LRRC38: variants seen among roughly 807,000 people sequenced by gnomAD.
The protein encoded by LRRC38 is leucine rich repeat containing 38.
Under a neutral mutation model 16.4 loss-of-function variants are expected in LRRC38, and 5 were observed. The observed-to-expected ratio is 0.31, with a 90% CI of 0.16 to 0.64. LRRC38 has a LOEUF of 0.64. Among genes scored for constraint, LRRC38 ranks in the 30% least tolerant of loss-of-function variants. The pLI is 0.80. For missense variants in LRRC38, 341 were observed against 401.8 expected, an observed-to-expected ratio of 0.85 and a Z score of 1.29; for synonymous variants, 191 against 190.2, an observed-to-expected ratio of 1.00 and a Z score of -0.04.
chr1:13,500,139 C>G (rs1325370827), intron 1 of LRRC38, among the ~76,000 whole-genome samples: 1 of 152,018 alleles, frequency 6.6e-6, no homozygotes, highest in East Asian at 1.9e-4. Flanking sequence ...CCTATAATCC[C>G]AGCTACTTGG....
chr1:13,502,272 A>G (rs575999682), intron 1 of LRRC38, among the ~76,000 whole-genome samples: 1 of 152,190 alleles, frequency 6.6e-6, no homozygotes, highest in South Asian at 2.1e-4. Flanking sequence ...AAAATAAAAT[A>G]AAATAAAGCC....
At chr1:13,484,836 T>C (rs1447128261) in intron 1 of LRRC38, among the ~76,000 whole-genome samples, 1 of 152,244 alleles carries the variant, frequency 6.6e-6, no homozygotes, top group East Asian at 1.9e-4. Context: ...GGTACTGGGA[T>C]GATCCTGGTT....
rs547467961 is a variant in LRRC38 at position 13,499,513 on chromosome 1, T to C, written c.631+13450A>G. On this transcript the variant is annotated intron_variant, in intron 1 of 1. Transcript: ENST00000376085. ...ATTCAACCCATAGCATCCTTTTCCATTGCTCCTTGCTCAATTCCTTGCAGG... is the reference window on the plus strand; with the variant it reads ...ATTCAACCCATAGCATCCTTTTCCACTGCTCCTTGCTCAATTCCTTGCAGG... Among the ~76,000 whole-genome samples, 7 of 152,336 alleles carry C rather than the reference T, an allele frequency of 4.6e-5. No homozygotes were observed. In the South Asian group the frequency reaches 1.2e-3, roughly 27 times the overall value.
chr1:13,475,437 G>A lies in LRRC38; in HGVS notation c.*409C>T, dbSNP rs1638774900. The A allele has an allele frequency of 5.8e-6, 1 of 171,068 alleles. No homozygotes were observed. The highest frequency in any genetic ancestry group is 5.6e-5 in the Admixed American group (1 of 18,012). 10.6% of individuals were successfully genotyped at this position (171,068 alleles called of 1,614,324 possible). ...CTGTTTGAGCTGCTGTTTCTTGGGA[G>A]GAAGGCAGATGTTTCATGATCTCCC... On this transcript the variant is annotated 3_prime_UTR_variant, in exon 2 of 2. Transcript: ENST00000376085. This position sits in a 1 kb window ranked among gnomAD's most constrained non-coding sequence, Gnocchi z 4.3.
intron 1 of LRRC38, among the ~76,000 whole-genome samples, chr1:13,481,755 T>A (rs747181006): frequency 1.1e-5 from 1 of 88,016 alleles, no homozygotes; most frequent in Non-Finnish European, 2.2e-5. Flanking sequence ...GCCTCTCACT[T>A]TCTTTCCCTC....
chr1:13,481,815 C>G (rs1368130439), intron 1 of LRRC38, among the ~76,000 whole-genome samples: 1 of 143,978 alleles, frequency 6.9e-6, no homozygotes, highest in East Asian at 2.1e-4. Context: ...CTCTCTCTCT[C>G]TCTCTCTCTC....
chr1:13,479,553 A>G (rs1444661155), intron 1 of LRRC38, among the ~76,000 whole-genome samples: 1 of 152,188 alleles, frequency 6.6e-6, no homozygotes, highest in Non-Finnish European at 1.5e-5. Context: ...CAAAGTGACA[A>G]TTTTAGAAAA....
intron 1 of LRRC38, among the ~76,000 whole-genome samples, chr1:13,501,087 TCA>T (rs1436631909): frequency 1.3e-5 from 2 of 152,162 alleles, no homozygotes; most frequent in Non-Finnish European, 2.9e-5. Context: ...TAGTGAATAA[TCA>T]CAGTGACACT....
intron 1 of LRRC38, among the ~76,000 whole-genome samples, chr1:13,509,295 G>A (rs1237570830): frequency 6.6e-6 from 1 of 152,164 alleles, no homozygotes; most frequent in Non-Finnish European, 1.5e-5. Context: ...AAAGGGAGGT[G>A]CAAGAGGGTG....
In LRRC38 at chr1:13,505,048, T is replaced by C. The variant is rs541020221; in HGVS notation, c.631+7915A>G. Among the ~76,000 whole-genome samples the C allele has an allele frequency of 3.9e-5, 6 of 152,182 alleles. No homozygotes were observed. The East Asian group carries it at 1.2e-3, about 29-fold the overall frequency. ...ACACCTGCATCCTTAAGAGTAACCC[T>C]CCTATTTGCTTACTCCAGATGACAT... is the stretch of plus-strand genomic sequence containing the variant. On this transcript the variant is annotated intron_variant, in intron 1 of 1. Transcript: ENST00000376085.
chr1:13,496,632 C>T (rs1474286313), intron 1 of LRRC38, among the ~76,000 whole-genome samples: 1 of 152,130 alleles, frequency 6.6e-6, no homozygotes, highest in Non-Finnish European at 1.5e-5. Context: ...ATCCACCCAC[C>T]GAGTCATTCA....
intron 1 of LRRC38, among the ~76,000 whole-genome samples, chr1:13,479,055 C>T (rs1181834529): frequency 6.6e-6 from 1 of 151,922 alleles, no homozygotes; most frequent in Non-Finnish European, 1.5e-5. Flanking sequence ...TTAAAGAGGC[C>T]AAACTTCTGA....
chr1:13,511,331 T>C lies in LRRC38; in HGVS notation c.631+1632A>G, dbSNP rs374266791. Among the ~76,000 whole-genome samples the C allele has an allele frequency of 3.2e-3, 493 of 151,836 alleles. 3 individuals are homozygous for C. Among genetic ancestry groups the C allele is most frequent in the African/African-American group, 0.011 (473 of 41,386 alleles). ...AAAAACTGGAGTGACCCACCCAGAG[T>C]CCCCCAGATTTTAGGCCAGGACTTA... On this transcript the variant is annotated intron_variant, in intron 1 of 1. Coordinates refer to ENST00000376085, the MANE Select transcript of LRRC38 (RefSeq NM_001010847.2).
At chr1:13,505,320 G>A (rs995061703) in intron 1 of LRRC38, among the ~76,000 whole-genome samples, 1 of 152,186 alleles carries the variant, frequency 6.6e-6, no homozygotes, top group Non-Finnish European at 1.5e-5. Flanking sequence ...GGGGCTACCG[G>A]GGATTTGACC....
intron 1 of LRRC38, among the ~76,000 whole-genome samples, chr1:13,501,816 G>A (rs1442670845): frequency 1.3e-5 from 2 of 151,958 alleles, no homozygotes; most frequent in African/African-American, 4.8e-5. Flanking sequence ...TCGCTGTGTT[G>A]CCCAGGCTGG....
At chr1:13,500,905 T>C (rs532861365) in intron 1 of LRRC38, among the ~76,000 whole-genome samples, 6 of 151,714 alleles carry the variant, frequency 4.0e-5, no homozygotes, top group African/African-American at 1.5e-4. Context: ...TCATGAGGGG[T>C]TGAGGAGGGA....
At chr1:13,481,788 C>CCTCTCTCT (rs1198744392) in intron 1 of LRRC38, among the ~76,000 whole-genome samples, 208 of 34,454 alleles carry the variant, frequency 6.0e-3, no homozygotes, top group Middle Eastern at 0.01. Flanking sequence ...TCCCTCTCTC[C>CCTCTCTCT]CTCTCTCTCT....
At chr1:13,505,138 T>C (rs1357798058) in intron 1 of LRRC38, among the ~76,000 whole-genome samples, 1 of 152,196 alleles carries the variant, frequency 6.6e-6, no homozygotes. Flanking sequence ...CTGAGACCTG[T>C]GGCCTCGGCA....
intron 1 of LRRC38, among the ~76,000 whole-genome samples, chr1:13,502,206 G>A (rs2100516974): frequency 6.6e-6 from 1 of 151,766 alleles, no homozygotes; most frequent in South Asian, 2.1e-4. Flanking sequence ...CTCCCAAAGG[G>A]CTGGGATTAC....
Sources: gnomAD v4.1 joint callset for allele counts (sites outside exome capture counted in the v4.1 genomes callset) on GRCh38, gnomAD v4.1.1 for gene constraint, Gnocchi (gnomAD v3.1) non-coding constraint, MANE v1.5 for transcripts, NCBI Gene and HGNC (gene_info 2026-07-23, HGNC 2026-07-21) for gene names.